Variants in ITPK1 observed in about 807,000 individuals in gnomAD.
ITPK1 encodes inositol-tetrakisphosphate 1-kinase.
Under a neutral mutation model 45.3 loss-of-function variants are expected in ITPK1, and 21 were observed. The observed-to-expected ratio is 0.46, with a 90% CI of 0.33 to 0.67. The LOEUF is 0.67. ITPK1 is among the 30% of genes least tolerant of loss of function. The pLI is 0.02. For missense variants in ITPK1, 474 were observed against 573.5 expected (o/e 0.83, Z 1.77); for synonymous variants, 258 against 253.6 (o/e 1.02, Z -0.16).
At chr14:93,066,332 G>T in intron 3 of ITPK1, 1 of 444,604 alleles carries the variant, frequency 2.2e-6, no homozygotes, top group Non-Finnish European at 4.5e-6. Context: ...GTGTGTGTGT[G>T]TGTGTGTGTA....
intron 5 of ITPK1, among the ~76,000 whole-genome samples, chr14:92,991,024 C>A (rs2139803908): frequency 6.6e-6 from 1 of 150,594 alleles, no homozygotes; most frequent in Middle Eastern, 3.4e-3. Flanking sequence ...GGGGTGACAA[C>A]CGGGGCAGGG....
At position 92,941,206 on chromosome 14, in the gene ITPK1, G is replaced by A. The variant is rs1887369664; in HGVS notation, c.*355C>T. The A allele has an allele frequency of 1.6e-6, 2 of 1,274,872 alleles. No homozygotes were observed. The highest frequency in any genetic ancestry group is 8.1e-5 in the East Asian group (2 of 24,796). The allele number at this position is 1,274,872 out of a possible 1,614,324, so 79.0% of individuals were successfully genotyped here. On this transcript the variant is annotated 3_prime_UTR_variant, in exon 11 of 11. Transcript: ENST00000267615. ...AAGGGTCCCGGTCCACAGTGGCCAT[G>A]GAGACCAACAGACAGGGATGTGCAC...
At chr14:92,960,137 C>T (rs1263654052) in intron 7 of ITPK1, among the ~76,000 whole-genome samples, 2 of 152,164 alleles carry the variant, frequency 1.3e-5, no homozygotes, top group African/African-American at 2.4e-5. Flanking sequence ...GTACATGGGA[C>T]GTGGTGGCAC....
At chr14:93,001,263 G>A (rs1251893609) in intron 4 of ITPK1, among the ~76,000 whole-genome samples, 1 of 152,192 alleles carries the variant, frequency 6.6e-6, no homozygotes, top group East Asian at 1.9e-4. Context: ...CTGCACTCCA[G>A]CCTGGGTGAC....
intron 3 of ITPK1, among the ~76,000 whole-genome samples, chr14:93,053,536 C>G (rs527430179): frequency 6.6e-6 from 1 of 152,328 alleles, no homozygotes; most frequent in South Asian, 2.1e-4. Flanking sequence ...GGTAGTGAAG[C>G]TGCTCTGTAT....
At position 93,076,715 on chromosome 14, in the gene ITPK1, G is replaced by C; in HGVS notation, c.96-96C>G. 1.3e-6 allele frequency: 2 copies of C among 1,484,900 alleles called. No individual in the cohort carries two copies. The highest frequency in any genetic ancestry group is 1.4e-5 in the African/African-American group (1 of 72,320). The allele number at this position is 1,484,900 out of a possible 1,614,324, so 92.0% of individuals were successfully genotyped here. A position where few individuals can be genotyped will look rare whatever the true frequency, so the allele number is the denominator to read the frequency against. On this transcript the variant is annotated intron_variant, in intron 2 of 10. Transcript: ENST00000267615. The surrounding 1 kb of genome is among the most constrained non-coding windows in gnomAD (Gnocchi z 4.3). ...CAGCCGGCTGAGGGCAGGACCATGAGAGGGTTTCAGGAGGGAGCCGGCAGC... is the reference window on the plus strand; with the variant it reads ...CAGCCGGCTGAGGGCAGGACCATGACAGGGTTTCAGGAGGGAGCCGGCAGC...
chr14:93,115,277 A>C lies in ITPK1; in HGVS notation c.-114T>G, dbSNP rs557060353. On this transcript the variant is annotated 5_prime_UTR_variant, in exon 2 of 11. Coordinates refer to ENST00000267615, the MANE Select transcript of ITPK1 (RefSeq NM_014216.6). Reference sequence around the variant, plus strand: ...CCTCCTCCCGGCGGCGGGGACGCGGAACGGGGATCGGAGCTGGGGCGCGCA... The same window carrying C: ...CCTCCTCCCGGCGGCGGGGACGCGGCACGGGGATCGGAGCTGGGGCGCGCA... 45 of 658,988 alleles carry C rather than the reference A, an allele frequency of 6.8e-5. No individual in the cohort carries two copies. In the African/African-American group the frequency reaches 8.5e-4, roughly 12 times the overall value. The allele number at this position is 658,988 out of a possible 1,614,324, so 40.8% of individuals were successfully genotyped here. A position where few individuals can be genotyped will look rare whatever the true frequency, so the allele number is the denominator to read the frequency against.
intron 4 of ITPK1, among the ~76,000 whole-genome samples, chr14:93,000,028 T>C (rs1289033520): frequency 6.6e-6 from 1 of 152,228 alleles, no homozygotes; most frequent in African/African-American, 2.4e-5. Flanking sequence ...CAGGCTCCTT[T>C]TGCTCACATC....
intron 5 of ITPK1, among the ~76,000 whole-genome samples, chr14:92,991,379 G>C (rs116760861): frequency 6.6e-6 from 1 of 151,634 alleles, no homozygotes; most frequent in Non-Finnish European, 1.5e-5. Flanking sequence ...CGGCGTGCAC[G>C]ATAAGGAAAA....
At chr14:92,966,578 G>A (rs533856579) in intron 5 of ITPK1, among the ~76,000 whole-genome samples, 1 of 152,258 alleles carries the variant, frequency 6.6e-6, no homozygotes, top group East Asian at 1.9e-4. Context: ...TTCTTTGCAG[G>A]AAATGACAAG....
intron 2 of ITPK1, among the ~76,000 whole-genome samples, chr14:93,091,479 A>G (rs1354410125): frequency 6.6e-6 from 1 of 152,182 alleles, no homozygotes; most frequent in East Asian, 1.9e-4. Context: ...TCTCTTTTTA[A>G]TCTTCAGGGC....
intron 2 of ITPK1, among the ~76,000 whole-genome samples, chr14:93,105,720 T>G (rs1225250303): frequency 7.8e-6 from 1 of 128,866 alleles, no homozygotes; most frequent in Non-Finnish European, 1.6e-5. Flanking sequence ...TTTTTTTTTT[T>G]GAGACAGAGT....
intron 2 of ITPK1, among the ~76,000 whole-genome samples, chr14:93,102,525 C>G (rs1362905504): frequency 6.6e-6 from 1 of 152,184 alleles, no homozygotes; most frequent in Non-Finnish European, 1.5e-5. Flanking sequence ...GTAATCCCAA[C>G]TCTTTGGGAG....
chr14:93,091,321 G>A (rs935273466), intron 2 of ITPK1, among the ~76,000 whole-genome samples: 22 of 152,134 alleles, frequency 1.4e-4, no homozygotes, highest in African/African-American at 5.3e-4. Flanking sequence ...CAACAACGGC[G>A]CCAGGGCCAG....
rs1168308507 is a variant in ITPK1, at chr14:93,016,128, G to C, written c.246+548C>G. On this transcript the variant is annotated intron_variant, in intron 4 of 10. Coordinates refer to ENST00000267615, the MANE Select transcript of ITPK1 (RefSeq NM_014216.6). This position sits in a 1 kb window ranked among gnomAD's most constrained non-coding sequence, Gnocchi z 5.0. The stretch of plus-strand genomic sequence containing the variant: ...CAGGGCAGTGGGCAGGTCACTGTGC[G>C]ATCAGGACCTGGGAGGCCGCTGGGG... 1.3e-5 allele frequency among the ~76,000 whole-genome samples: 2 copies of C among 152,196 alleles called. No individual in the cohort carries two copies. The highest frequency in any genetic ancestry group is 2.9e-5 in the Non-Finnish European group (2 of 68,032).
At chr14:92,973,131 C>G (rs1885742356) in intron 5 of ITPK1, among the ~76,000 whole-genome samples, 1 of 152,214 alleles carries the variant, frequency 6.6e-6, no homozygotes, top group Non-Finnish European at 1.5e-5. Context: ...CTTTCTAGTA[C>G]TTTTTCTGGC....
At chr14:93,079,750 C>T (rs1891366873) in intron 2 of ITPK1, among the ~76,000 whole-genome samples, 1 of 152,166 alleles carries the variant, frequency 6.6e-6, no homozygotes, top group African/African-American at 2.4e-5. Context: ...TTCCTAAAGT[C>T]CTGCCATAAC....
At chr14:93,083,223 T>G (rs1263640042) in intron 2 of ITPK1, among the ~76,000 whole-genome samples, 1 of 151,892 alleles carries the variant, frequency 6.6e-6, no homozygotes, top group African/African-American at 2.4e-5. Context: ...CACAAGACAC[T>G]CTGGGATGAC....
chr14:93,078,819 G>A (rs193086979), intron 2 of ITPK1, among the ~76,000 whole-genome samples: 10 of 152,228 alleles, frequency 6.6e-5, no homozygotes, highest in African/African-American at 1.9e-4. Context: ...TGAAGGAAGC[G>A]TCACTGACGG....
Sources: allele counts gnomAD v4.1 joint callset (sites outside exome capture counted in the v4.1 genomes callset), GRCh38; gene constraint gnomAD v4.1.1; non-coding constraint Gnocchi (gnomAD v3.1); transcripts MANE v1.5; gene names NCBI Gene and HGNC (gene_info 2026-07-23, HGNC 2026-07-21).